TMEM161B: variants seen among roughly 807,000 people sequenced by gnomAD.
TMEM161B encodes transmembrane protein 161B.
A neutral mutation model predicts 61.8 loss-of-function variants in TMEM161B; 34 were observed. The observed-to-expected ratio is 0.55, with a 90% CI of 0.42 to 0.73. The LOEUF is 0.73. Among genes scored for constraint, TMEM161B ranks in the 30% least tolerant of loss-of-function variants. The probability of loss-of-function intolerance (pLI) is 0.00; values close to 1 mark genes in which losing one functional copy is unlikely to be tolerated. For missense variants in TMEM161B, 456 were observed against 558.5 expected (o/e 0.82, Z 1.85); for synonymous variants, 167 against 192.8 (o/e 0.87, Z 1.11).
Position 88,240,522 on chromosome 5 carries a change from T to A in TMEM161B, c.107+291A>T, listed in dbSNP as rs1055559309. ...CCTTTGTGCTAAACAGATAAACTAC[T>A]AATATCTCAAACTAAGAGTAATAAG... is the stretch of plus-strand genomic sequence containing the variant. On this transcript the variant is annotated intron_variant, in intron 2 of 11. Coordinates refer to ENST00000296595, the MANE Select transcript of TMEM161B (RefSeq NM_153354.5). Among the ~76,000 whole-genome samples, 17 of 151,718 alleles carry A rather than the reference T, an allele frequency of 1.1e-4. No homozygotes were observed. The Admixed American group carries it at 1.1e-3, about 10-fold the overall frequency.
At chr5:88,204,082 G>A (rs763024391) in intron 8 of TMEM161B, among the ~76,000 whole-genome samples, 5 of 152,038 alleles carry the variant, frequency 3.3e-5, no homozygotes, top group Non-Finnish European at 5.9e-5. Context: ...TAGGCAGACA[G>A]TGATCTGTGT....
intron 2 of TMEM161B, among the ~76,000 whole-genome samples, chr5:88,239,887 T>C (rs1243564386): frequency 6.6e-6 from 1 of 152,016 alleles, no homozygotes; most frequent in Non-Finnish European, 1.5e-5. Flanking sequence ...TTTTTCTAAC[T>C]TCAATAGGCC....
chr5:88,228,338 A>G (rs1040737418), intron 3 of TMEM161B, 107 bp downstream of exon 3: 4 of 807,556 alleles, frequency 5.0e-6, no homozygotes, highest in Middle Eastern at 3.7e-4. Context: ...CAAATTTATC[A>G]ACTACTTACA....
chr5:88,241,651 A>T (rs543829595), intron 1 of TMEM161B, among the ~76,000 whole-genome samples: 31 of 151,886 alleles, frequency 2.0e-4, no homozygotes, highest in African/African-American at 7.5e-4. Flanking sequence ...AAGAAAACTG[A>T]ACTCATGCTG....
chr5:88,197,991 TA>T, intron 10 of TMEM161B: 2 of 365,348 alleles, frequency 5.5e-6, no homozygotes, highest in Non-Finnish European at 1.0e-5. Flanking sequence ...ATAGATTCCT[TA>T]AAAATAATTC....
chr5:88,197,901 T>C, intron 10 of TMEM161B, 136 bp from the exon 11 acceptor site: 1 of 652,740 alleles, frequency 1.5e-6, no homozygotes. Flanking sequence ...CAGTAAGTTG[T>C]GCTGCATGAT....
intron 1 of TMEM161B, among the ~76,000 whole-genome samples, chr5:88,253,629 C>A (rs1754623572): frequency 6.6e-6 from 1 of 152,106 alleles, no homozygotes; most frequent in African/African-American, 2.4e-5. Flanking sequence ...GAAATAATCC[C>A]AGGATATAAA....
intron 8 of TMEM161B, among the ~76,000 whole-genome samples, chr5:88,204,320 AAAAT>A (rs1308626948): frequency 6.6e-6 from 1 of 152,172 alleles, no homozygotes; most frequent in Non-Finnish European, 1.5e-5. Context: ...AACTGAAAAT[AAAAT>A]AAAACCCCAA....
intron 1 of TMEM161B, among the ~76,000 whole-genome samples, chr5:88,266,056 T>C (rs990561331): frequency 2.0e-5 from 3 of 152,214 alleles, no homozygotes; most frequent in African/African-American, 7.2e-5. Context: ...AGACTTGTCT[T>C]CACAACAACT....
intron 8 of TMEM161B, chr5:88,205,609 C>T (rs1008603005): frequency 1.7e-5 from 8 of 464,090 alleles, no homozygotes; most frequent in Admixed American, 8.7e-5. Context: ...ATTTAGTAAT[C>T]GATGATGTAT....
At chr5:88,236,472 T>A (rs933372187) in intron 2 of TMEM161B, among the ~76,000 whole-genome samples, 3 of 152,242 alleles carry the variant, frequency 2.0e-5, no homozygotes, top group East Asian at 1.9e-4. Flanking sequence ...AAAAGGAACT[T>A]TTATTACAAT....
At chr5:88,235,228 T>G (rs1751647196) in intron 2 of TMEM161B, among the ~76,000 whole-genome samples, 1 of 152,164 alleles carries the variant, frequency 6.6e-6, no homozygotes, top group Non-Finnish European at 1.5e-5. Flanking sequence ...TTTAGAAATT[T>G]TAAGAAATAA....
downstream of TMEM161B, among the ~76,000 whole-genome samples, chr5:88,189,360 T>A (rs1718685890): frequency 6.6e-6 from 1 of 152,186 alleles, no homozygotes; most frequent in African/African-American, 2.4e-5. Context: ...CGGGTGTGAC[T>A]GGAGCAGGGC....
chr5:88,227,088 C>T (rs930027515), intron 3 of TMEM161B, among the ~76,000 whole-genome samples: 2 of 152,050 alleles, frequency 1.3e-5, no homozygotes, highest in African/African-American at 4.8e-5. Context: ...ACTCGTGAGG[C>T]TGAGGTGGGA....
intron 4 of TMEM161B, 80 bp from the exon 5 acceptor site, chr5:88,220,799 GATTT>G (rs1441619765): frequency 1.4e-6 from 2 of 1,414,280 alleles, no homozygotes; most frequent in Non-Finnish European, 1.9e-6. Flanking sequence ...AACTTATGAG[GATTT>G]ATTTATAATT....
chr5:88,206,034 CT>C, intron 7 of TMEM161B, 80 bp from the exon 8 acceptor site: 1 of 1,134,766 alleles, frequency 8.8e-7, no homozygotes, highest in Non-Finnish European at 1.3e-6. Flanking sequence ...AATCAATTAT[CT>C]TACAAATAAC....
At position 88,206,484 on chromosome 5, in the gene TMEM161B, GA is replaced by G; in HGVS notation, c.613del (p.Ser205GlnfsTer13). 1 of 1,568,386 alleles carries G rather than the reference GA, an allele frequency of 6.4e-7. No homozygotes were observed. The highest frequency in any genetic ancestry group is 1.8e-5 in the Admixed American group (1 of 56,148). On this transcript the variant is annotated frameshift_variant, in exon 7 of 12. Transcript: ENST00000296595. LOFTEE classifies it high-confidence loss of function. ...FGLETGFTNF[S>X]DSAMQFLEKQ... is the part of the protein sequence containing the mutation. ...TTCAAGAAACTGCATCGCACTGTCTGAAAAATTTGTAAACCCTGTGGGGGAA... is the reference window on the plus strand; with the variant it reads ...TTCAAGAAACTGCATCGCACTGTCTGAAAATTTGTAAACCCTGTGGGGGAA...
At chr5:88,201,768 A>C (rs958132216) in intron 9 of TMEM161B, 1 of 154,564 alleles carries the variant, frequency 6.5e-6, no homozygotes, top group African/African-American at 2.4e-5. Flanking sequence ...GGAATCTGTC[A>C]AGTTAAATTA....
At chr5:88,252,800 C>G (rs189619471) in intron 1 of TMEM161B, among the ~76,000 whole-genome samples, 123 of 152,280 alleles carry the variant, frequency 8.1e-4, no homozygotes, top group Non-Finnish European at 1.6e-3. Context: ...GATGATCAAT[C>G]TTTATGTATT....
Sources: allele counts gnomAD v4.1 joint callset (sites outside exome capture counted in the v4.1 genomes callset), GRCh38; gene constraint gnomAD v4.1.1; transcripts MANE v1.5; gene names NCBI Gene and HGNC (gene_info 2026-07-23, HGNC 2026-07-21).